RBFOX2: variants seen among roughly 807,000 people sequenced by gnomAD.
RBFOX2 encodes RNA binding fox-1 homolog 2.
In RBFOX2, 10 loss-of-function variants were observed where a neutral mutation model predicts 49.1. The observed-to-expected ratio is 0.20, with a 90% CI of 0.13 to 0.35. The LOEUF (loss-of-function observed/expected upper bound fraction) is 0.35, where lower values mean the gene tolerates loss of function less well. Ranked by LOEUF, RBFOX2 falls within the 10% of genes least tolerant of loss-of-function variation. The pLI is 1.00. For missense variants in RBFOX2, 323 were observed against 486.9 expected (o/e 0.66, Z 3.17); for synonymous variants, 183 against 187.4 (o/e 0.98, Z 0.19).
chr22:35,810,160 T>C (rs796594354), intron 1 of RBFOX2, among the ~76,000 whole-genome samples, 156 bp from the exon 3 acceptor site: 55 of 148,714 alleles, frequency 3.7e-4, no homozygotes, highest in Admixed American at 1.0e-3. Flanking sequence ...TTATTACACA[T>C]ACACACATAG....
chr22:35,899,178 A>ATAACATAACATAACAT (rs1556357853), intron 1 of RBFOX2, among the ~76,000 whole-genome samples: 12 of 133,502 alleles, frequency 9.0e-5, no homozygotes, highest in African/African-American at 2.5e-4. Flanking sequence ...ATAACATAAC[A>ATAACATAACATAACAT]AACATAAAAA....
intron 1 of RBFOX2, among the ~76,000 whole-genome samples, chr22:36,016,275 T>G (rs370074551): frequency 5.3e-5 from 8 of 152,000 alleles, no homozygotes; most frequent in African/African-American, 1.9e-4. Context: ...CTCAAGCAAC[T>G]GCTGCAGGCC....
In RBFOX2 at chr22:35,968,847, T is replaced by C. The variant is rs564367109; in HGVS notation, c.187-29950A>G. 1.2e-4 allele frequency among the ~76,000 whole-genome samples: 18 copies of C among 152,318 alleles called. 1 individual carries two copies. The South Asian group carries it at 3.5e-3, about 30-fold the overall frequency. On this transcript the variant is annotated intron_variant, in intron 1 of 13. Transcript: ENST00000438146. ...TAAATAAAGACATTGTAGGGAGTCT[T>C]CACAGTGATCCCAACTGAAGATATC...
At chr22:35,850,782 A>C (rs1027063108) in intron 1 of RBFOX2, among the ~76,000 whole-genome samples, 1 of 152,240 alleles carries the variant, frequency 6.6e-6, no homozygotes. Flanking sequence ...CCCATCAAAA[A>C]TCAGAAAACT....
chr22:35,789,051 T>A (rs140975164), intron 2 of RBFOX2, among the ~76,000 whole-genome samples: 14 of 152,282 alleles, frequency 9.2e-5, no homozygotes, highest in African/African-American at 3.4e-4. Flanking sequence ...CAAATGCTTA[T>A]CAGAATTTTT....
intron 1 of RBFOX2, among the ~76,000 whole-genome samples, chr22:35,914,523 C>G (rs1055728868): frequency 6.6e-6 from 1 of 152,200 alleles, no homozygotes; most frequent in Non-Finnish European, 1.5e-5. Flanking sequence ...AAGTTCAATG[C>G]AATGTACCTC....
At chr22:35,981,294 A>C (rs566083241) in intron 1 of RBFOX2, among the ~76,000 whole-genome samples, 18 of 152,282 alleles carry the variant, frequency 1.2e-4, no homozygotes, top group Admixed American at 2.0e-4. Flanking sequence ...TGGATTTCAC[A>C]GACAAATCAC....
At chr22:35,979,398 T>C (rs1289016527) in intron 1 of RBFOX2, among the ~76,000 whole-genome samples, 3 of 152,246 alleles carry the variant, frequency 2.0e-5, no homozygotes, top group African/African-American at 7.2e-5. Context: ...CTAATATTGA[T>C]TTCCTGATTT....
At chr22:35,921,156 G>A (rs2050979392) in intron 1 of RBFOX2, among the ~76,000 whole-genome samples, 2 of 152,184 alleles carry the variant, frequency 1.3e-5, no homozygotes, top group African/African-American at 4.8e-5. Context: ...CTTATTCTAT[G>A]TACGACTTTG....
At chr22:35,947,672 T>TAAAAAAAAAAAAAAAAAAAAA (rs559788717) in intron 1 of RBFOX2, among the ~76,000 whole-genome samples, 3 of 34,144 alleles carry the variant, frequency 8.8e-5, no homozygotes, top group African/African-American at 1.2e-4. Flanking sequence ...GTTTAAAAAG[T>TAAAAAAAAAAAAAAAAAAAAA]AAAAAAAAAA....
intron 2 of RBFOX2, among the ~76,000 whole-genome samples, chr22:35,786,918 C>T (rs899678856): frequency 7.9e-5 from 12 of 152,190 alleles, no homozygotes; most frequent in African/African-American, 2.4e-4. Context: ...AGAACCCATA[C>T]GAACCCCACC....
At chr22:35,843,459 C>CA (rs1323644760), upstream of RBFOX2, among the ~76,000 whole-genome samples, 1 of 80,460 alleles carries the variant, frequency 1.2e-5, no homozygotes, top group Non-Finnish European at 2.6e-5. Flanking sequence ...GTGTTTCATC[C>CA]AATCTCCAGA....
At chr22:35,908,345 C>T (rs1188844547) in intron 1 of RBFOX2, among the ~76,000 whole-genome samples, 1 of 152,166 alleles carries the variant, frequency 6.6e-6, no homozygotes, top group Non-Finnish European at 1.5e-5. Context: ...GTCAAAAATG[C>T]ATTTAACACA....
intron 1 of RBFOX2, among the ~76,000 whole-genome samples, chr22:35,814,081 C>T (rs1018686783): frequency 6.6e-6 from 1 of 152,220 alleles, no homozygotes; most frequent in Non-Finnish European, 1.5e-5. Flanking sequence ...ATGTCTTTCT[C>T]TTTTAAACCA....
intron 9 of RBFOX2, chr22:35,750,573 G>T: frequency 1.5e-6 from 1 of 650,286 alleles, no homozygotes; most frequent in Non-Finnish European, 2.8e-6. Flanking sequence ...GATAAATTTG[G>T]CTTGGCTAAG....
At chr22:36,014,924 T>C (rs1399147397) in intron 1 of RBFOX2, among the ~76,000 whole-genome samples, 2 of 152,198 alleles carry the variant, frequency 1.3e-5, no homozygotes, top group African/African-American at 2.4e-5. Flanking sequence ...GTTAACCAAC[T>C]GATCTCCAAC....
At chr22:35,864,319 T>G (rs1304013918) in intron 1 of RBFOX2, among the ~76,000 whole-genome samples, 1 of 152,188 alleles carries the variant, frequency 6.6e-6, no homozygotes, top group Non-Finnish European at 1.5e-5. Context: ...TACCAGGGTT[T>G]TTTCCCCATG....
At chr22:35,970,672 C>G (rs897065990) in intron 1 of RBFOX2, among the ~76,000 whole-genome samples, 6 of 151,964 alleles carry the variant, frequency 3.9e-5, no homozygotes, top group African/African-American at 1.4e-4. Context: ...TCTAAAAAAA[C>G]AAGAAGAAGA....
At chr22:35,777,315 T>C (rs112452491) in intron 4 of RBFOX2, among the ~76,000 whole-genome samples, 271 of 152,208 alleles carry the variant, frequency 1.8e-3, no homozygotes, top group Non-Finnish European at 3.3e-3. Context: ...CCCAGCCTAA[T>C]AGGGGAAATA....
Sources: allele counts gnomAD v4.1 joint callset (sites outside exome capture counted in the v4.1 genomes callset), GRCh38; gene constraint gnomAD v4.1.1; transcripts MANE v1.5; gene names NCBI Gene and HGNC (gene_info 2026-07-23, HGNC 2026-07-21).